The following BAZ1A variants were observed in gnomAD, a reference collection of about 807,000 sequenced individuals.
The protein encoded by BAZ1A is bromodomain adjacent to zinc finger domain 1A, also known as bromodomain adjacent to zinc finger domain protein 1A.
BAZ1A carries 50 observed loss-of-function variants against 185.2 expected under a neutral mutation model. The ratio of observed to expected loss-of-function variants is 0.27; its 90% CI spans 0.22 to 0.34. The LOEUF (loss-of-function observed/expected upper bound fraction) is 0.34, where lower values mean the gene tolerates loss of function less well. BAZ1A is among the 10% of genes least tolerant of loss of function. The pLI is 1.00. For missense variants in BAZ1A, 1,356 were observed against 1,839.9 expected, an observed-to-expected ratio of 0.74 and a Z score of 4.81; for synonymous variants, 571 against 615.6, an observed-to-expected ratio of 0.93 and a Z score of 1.07.
intron 3 of BAZ1A, among the ~76,000 whole-genome samples, chr14:34,826,422 T>A (rs1238300373): frequency 6.6e-6 from 1 of 152,214 alleles, no homozygotes; most frequent in African/African-American, 2.4e-5. Context: ...TCTGGATTGT[T>A]TGTTCTTCTA....
Position 34,761,778 on chromosome 14 carries a change from ATCT to A in BAZ1A, c.4219_4221del (p.Arg1407del), listed in dbSNP as rs775584459. On this transcript the variant is annotated inframe_deletion, in exon 24 of 27. Coordinates refer to ENST00000360310, the MANE Select transcript of BAZ1A (RefSeq NM_013448.3). ...ATACCTGGAGATTGTCTTTTTCTGCATCTTCTTTTGGATTCACTCTCTTGGAGA... is the reference window on the plus strand; with the variant it reads ...ATACCTGGAGATTGTCTTTTTCTGCATCTTTTGGATTCACTCTCTTGGAGA... 6.2e-7 allele frequency: 1 copy of A among 1,611,662 alleles called. No individual in the cohort carries two copies. Among genetic ancestry groups the A allele is most frequent in the South Asian group, 1.1e-5 (1 of 90,828 alleles).
At position 34,765,090 on chromosome 14, in the gene BAZ1A, A is replaced by C. The variant is rs1212730992; in HGVS notation, c.3480T>G (p.Ala1160=). 6.2e-7 allele frequency: 1 copy of C among 1,614,216 alleles called. No individual in the cohort carries two copies. Among genetic ancestry groups the C allele is most frequent in the South Asian group, 1.1e-5 (1 of 91,088 alleles). ...RCKICRKKGD[A]ENMVLCDGCD... Reference sequence around the variant, plus strand: ...AGCCATCACAAAGAACCATGTTTTCAGCATCGCCTTTCTTTCGACATATCT... The same window carrying C: ...AGCCATCACAAAGAACCATGTTTTCCGCATCGCCTTTCTTTCGACATATCT... The change falls in exon 22 of 27, where the codon GCT becomes GCG. Residue 1160 remains alanine, a synonymous_variant. Transcript: ENST00000360310.
At chr14:34,836,589 T>C (rs2042335604) in intron 3 of BAZ1A, among the ~76,000 whole-genome samples, 1 of 151,894 alleles carries the variant, frequency 6.6e-6, no homozygotes, top group Non-Finnish European at 1.5e-5. Context: ...ATCTATAGCA[T>C]ACTTCACAAC....
intron 3 of BAZ1A, among the ~76,000 whole-genome samples, chr14:34,843,713 A>T (rs1312176886): frequency 6.6e-6 from 1 of 152,206 alleles, no homozygotes; most frequent in African/African-American, 2.4e-5. Context: ...TTAGGAAAGA[A>T]GATTCCCAAA....
At chr14:34,761,095 A>G (rs980440238) in intron 24 of BAZ1A, among the ~76,000 whole-genome samples, 18 of 152,174 alleles carry the variant, frequency 1.2e-4, no homozygotes, top group Admixed American at 3.3e-4. Flanking sequence ...CCTGGCCAAC[A>G]TGGTGAAACC....
At chr14:34,793,994 T>C (rs1881035723) in intron 11 of BAZ1A, among the ~76,000 whole-genome samples, 1 of 151,422 alleles carries the variant, frequency 6.6e-6, no homozygotes, top group Non-Finnish European at 1.5e-5. Flanking sequence ...TAGCTGGGCA[T>C]GGTGGCGGGT....
intron 24 of BAZ1A, among the ~76,000 whole-genome samples, chr14:34,759,659 C>T (rs1455198220): frequency 7.9e-6 from 1 of 126,812 alleles, no homozygotes; most frequent in African/African-American, 3.2e-5. Context: ...ATTATTCTTA[C>T]AGATCTTAAT....
At chr14:34,807,355 A>G (rs181894367) in intron 6 of BAZ1A, 96 bp downstream of exon 6, 94 of 836,244 alleles carry the variant, frequency 1.1e-4, no homozygotes, top group Admixed American at 8.0e-4. Flanking sequence ...GCAATCTTTA[A>G]TCATCTTTGA....
intron 3 of BAZ1A, among the ~76,000 whole-genome samples, chr14:34,848,348 G>A (rs1203998330): frequency 6.6e-6 from 1 of 151,852 alleles, no homozygotes; most frequent in East Asian, 1.9e-4. Flanking sequence ...GCTCGTGCCT[G>A]TAATCCCAGA....
chr14:34,821,537 G>A (rs1360871344), intron 4 of BAZ1A, among the ~76,000 whole-genome samples: 1 of 152,148 alleles, frequency 6.6e-6, no homozygotes, highest in Admixed American at 6.5e-5. Context: ...AATTAATTTA[G>A]AAATAATAAG....
chr14:34,790,640 C>CA (rs1229780900), intron 12 of BAZ1A, among the ~76,000 whole-genome samples: 2 of 152,126 alleles, frequency 1.3e-5, no homozygotes, highest in Non-Finnish European at 2.9e-5. Flanking sequence ...AGGCATGAGC[C>CA]ACCACACCCA....
At chr14:34,811,515 C>T (rs947443075) in intron 4 of BAZ1A, among the ~76,000 whole-genome samples, 1 of 151,854 alleles carries the variant, frequency 6.6e-6, no homozygotes, top group Non-Finnish European at 1.5e-5. Context: ...GGCTGGAGTG[C>T]AATGGAATCA....
chr14:34,840,279 G>A (rs577870996), intron 3 of BAZ1A, among the ~76,000 whole-genome samples: 3 of 152,122 alleles, frequency 2.0e-5, no homozygotes, highest in South Asian at 2.1e-4. Flanking sequence ...CATCTCAACC[G>A]TAAGCATATA....
intron 17 of BAZ1A, among the ~76,000 whole-genome samples, chr14:34,777,018 A>G (rs187144762): frequency 6.6e-6 from 1 of 152,338 alleles, no homozygotes; most frequent in East Asian, 1.9e-4. Context: ...CTTAAATCTA[A>G]AGGGGCATGC....
intron 2 of BAZ1A, among the ~76,000 whole-genome samples, chr14:34,873,276 A>C (rs903911974): frequency 6.6e-6 from 1 of 152,130 alleles, no homozygotes; most frequent in African/African-American, 2.4e-5. Flanking sequence ...CTTGGTTGCT[A>C]TTACACTTGG....
intron 3 of BAZ1A, among the ~76,000 whole-genome samples, chr14:34,858,822 A>G (rs1474008740): frequency 6.6e-6 from 1 of 152,232 alleles, no homozygotes; most frequent in African/African-American, 2.4e-5. Flanking sequence ...GAAGGCTTCA[A>G]TGAAAGTGAT....
intron 3 of BAZ1A, among the ~76,000 whole-genome samples, chr14:34,849,460 A>G (rs1375125715): frequency 1.3e-5 from 2 of 152,198 alleles, no homozygotes; most frequent in African/African-American, 2.4e-5. Context: ...TCTCAATGGA[A>G]TATTTGGAAA....
intron 12 of BAZ1A, among the ~76,000 whole-genome samples, chr14:34,789,385 AAC>A (rs1880698852): frequency 6.6e-6 from 1 of 152,248 alleles, no homozygotes. Context: ...TATATTCTTT[AAC>A]TCTTTATCAT....
intron 6 of BAZ1A, 55 bp downstream of exon 6, chr14:34,807,396 A>G: frequency 7.7e-7 from 1 of 1,293,722 alleles, no homozygotes; most frequent in Admixed American, 1.9e-5. Context: ...ATAACTTTAT[A>G]ACACTACCCA....
Sources: allele counts gnomAD v4.1 joint callset (sites outside exome capture counted in the v4.1 genomes callset), GRCh38; gene constraint gnomAD v4.1.1; transcripts MANE v1.5; gene names NCBI Gene and HGNC (gene_info 2026-07-23, HGNC 2026-07-21).